The following THRB variants were observed in gnomAD, a reference collection of about 807,000 sequenced individuals.
THRB encodes nuclear receptor subfamily 1 group A member 2.
Under a neutral mutation model 47.8 loss-of-function variants are expected in THRB, and 12 were observed. The observed-to-expected ratio is 0.25, with a 90% confidence interval of 0.16 to 0.41. The LOEUF (loss-of-function observed/expected upper bound fraction) is 0.41. THRB is among the 10% of genes least tolerant of loss of function. The probability of loss-of-function intolerance (pLI) is 1.00; values close to 1 mark genes in which losing one functional copy is unlikely to be tolerated. For synonymous variants in THRB, 218 were observed against 212.2 expected (o/e 1.03, Z -0.24); for missense variants, 348 against 589.2 (o/e 0.59, Z 4.24).
At chr3:24,248,961 C>A (rs1019543057) in intron 3 of THRB, among the ~76,000 whole-genome samples, 1 of 152,192 alleles carries the variant, frequency 6.6e-6, no homozygotes, top group African/African-American at 2.4e-5. Flanking sequence ...ACAACCAATT[C>A]CCTGAACTAA....
intron 5 of THRB, among the ~76,000 whole-genome samples, chr3:24,185,165 ACT>A (rs1255939965): frequency 6.6e-6 from 1 of 152,134 alleles, no homozygotes; most frequent in Non-Finnish European, 1.5e-5. Context: ...AATCTTGAGG[ACT>A]GGTTTAATAA....
At chr3:24,341,258 G>T (rs2062632795) in intron 1 of THRB, among the ~76,000 whole-genome samples, 2 of 114,918 alleles carry the variant, frequency 1.7e-5, no homozygotes, top group South Asian at 2.9e-4. Context: ...TTGAGACAGG[G>T]TCTCACTTTG....
At chr3:24,161,458 G>T (rs2038805053) in intron 5 of THRB, among the ~76,000 whole-genome samples, 1 of 152,072 alleles carries the variant, frequency 6.6e-6, no homozygotes, top group Admixed American at 6.5e-5. Flanking sequence ...AGAGAAGATA[G>T]AGGAAGAAAG....
intron 1 of THRB, among the ~76,000 whole-genome samples, chr3:24,419,398 T>C (rs2069036505): frequency 6.6e-6 from 1 of 151,858 alleles, no homozygotes; most frequent in South Asian, 2.1e-4. Context: ...ATCCTTCCTC[T>C]TACTTAAGGA....
intron 5 of THRB, among the ~76,000 whole-genome samples, chr3:24,181,228 G>A (rs2041858087): frequency 6.6e-6 from 1 of 152,088 alleles, no homozygotes; most frequent in African/African-American, 2.4e-5. Context: ...ATTTTTCCTT[G>A]TCTTCCCCAC....
At chr3:24,368,451 G>T (rs765203153) in intron 1 of THRB, among the ~76,000 whole-genome samples, 1 of 152,036 alleles carries the variant, frequency 6.6e-6, no homozygotes, top group South Asian at 2.1e-4. Context: ...AAGACATAAG[G>T]CACTAGAAAA....
chr3:24,319,344 A>C lies in THRB; in HGVS notation c.-189+17956T>G, dbSNP rs146407823. Among the ~76,000 whole-genome samples, 42 of 152,368 alleles carry C rather than the reference A, an allele frequency of 2.8e-4. No homozygotes were observed. The East Asian group carries it at 7.3e-3, about 27-fold the overall frequency. Reference sequence around the variant, plus strand: ...TTTCTGTTACACAAGAAAATGAATAAACATACTGTGGTATATCCATGTACT... The same window carrying C: ...TTTCTGTTACACAAGAAAATGAATACACATACTGTGGTATATCCATGTACT... On this transcript the variant is annotated intron_variant, in intron 2 of 10. Coordinates refer to ENST00000646209, the MANE Select transcript of THRB (RefSeq NM_001354712.2).
At chr3:24,258,818 G>A (rs1034586785) in intron 3 of THRB, among the ~76,000 whole-genome samples, 2 of 152,166 alleles carry the variant, frequency 1.3e-5, no homozygotes, top group Non-Finnish European at 2.9e-5. Flanking sequence ...GAACTAGAAC[G>A]AGGTTACCAG....
intron 3 of THRB, among the ~76,000 whole-genome samples, chr3:24,292,082 G>A (rs530859077): frequency 2.6e-4 from 40 of 152,218 alleles, no homozygotes; most frequent in African/African-American, 9.6e-4. Context: ...GTTATATAGA[G>A]AGGTATGAAA....
chr3:24,361,949 T>A (rs935514937), intron 1 of THRB, among the ~76,000 whole-genome samples: 10 of 152,114 alleles, frequency 6.6e-5, no homozygotes, highest in African/African-American at 2.4e-4. Context: ...AAAGCAAGAA[T>A]AAAAGAGAGT....
At chr3:24,244,026 T>C (rs902523601) in intron 3 of THRB, among the ~76,000 whole-genome samples, 8 of 151,900 alleles carry the variant, frequency 5.3e-5, no homozygotes, top group African/African-American at 1.9e-4. Context: ...TTAAAAAAAA[T>C]GCACACTATA....
chr3:24,272,264 A>G lies in THRB; in HGVS notation c.-43+24962T>C, dbSNP rs568878007. On this transcript the variant is annotated intron_variant, in intron 3 of 10. Transcript: ENST00000646209. ...TCAAGGCTGAGGTGGGAGTATCACT[A>G]GAGCCCAGGAGGTTGAGGCAACAGT... Among the ~76,000 whole-genome samples, 4 of 152,086 alleles carry G rather than the reference A, an allele frequency of 2.6e-5. No homozygotes were observed. The South Asian group carries it at 8.3e-4, about 32-fold the overall frequency.
intron 1 of THRB, among the ~76,000 whole-genome samples, chr3:24,455,773 A>G (rs2073112576): frequency 2.0e-5 from 3 of 152,028 alleles, no homozygotes; most frequent in Non-Finnish European, 2.9e-5. Flanking sequence ...ATAAGACTCA[A>G]TGACATATAG....
chr3:24,201,590 C>G (rs192710142), intron 4 of THRB, among the ~76,000 whole-genome samples: 1 of 152,166 alleles, frequency 6.6e-6, no homozygotes, highest in East Asian at 1.9e-4. Flanking sequence ...ATGTGGTTAC[C>G]CAAGTGAAAT....
chr3:24,198,464 CCCTT>C (rs1395500948), intron 4 of THRB, among the ~76,000 whole-genome samples: 4 of 65,092 alleles, frequency 6.1e-5, no homozygotes, highest in African/African-American at 1.9e-4. Flanking sequence ...CCCCCCCCCC[CCCTT>C]TTTTTTTTAA....
rs115327818 is a variant in THRB at position 24,170,043 on chromosome 3, G to A, written c.284-17553C>T. 6.0e-3 allele frequency among the ~76,000 whole-genome samples: 917 copies of A among 152,030 alleles called. 11 individuals are homozygous for A. Among genetic ancestry groups the A allele is most frequent in the African/African-American group, 0.021 (850 of 41,460 alleles). On this transcript the variant is annotated intron_variant, in intron 5 of 10. Coordinates refer to ENST00000646209, the MANE Select transcript of THRB (RefSeq NM_001354712.2). ...CAACATCCATGTGGATATCTCCATC[G>A]CAGATGTCACCTCTGAAACCAGGAT...
intron 1 of THRB, among the ~76,000 whole-genome samples, chr3:24,440,791 G>C (rs141867192): frequency 6.6e-6 from 1 of 152,176 alleles, no homozygotes; most frequent in East Asian, 1.9e-4. Context: ...AATACAAATT[G>C]TACTGAGGGA....
chr3:24,254,599 C>T (rs2150400111), intron 3 of THRB, among the ~76,000 whole-genome samples: 1 of 152,260 alleles, frequency 6.6e-6, no homozygotes, highest in East Asian at 1.9e-4. Flanking sequence ...ACACAAGTCT[C>T]CCAGCCTTAC....
chr3:24,433,972 G>A (rs1202812982), intron 1 of THRB, among the ~76,000 whole-genome samples: 1 of 151,922 alleles, frequency 6.6e-6, no homozygotes, highest in Non-Finnish European at 1.5e-5. Flanking sequence ...GCTCTAAAAT[G>A]CAAAGATTAT....
Sources: gnomAD v4.1 joint callset for allele counts (sites outside exome capture counted in the v4.1 genomes callset) on GRCh38, gnomAD v4.1.1 for gene constraint, MANE v1.5 for transcripts, NCBI Gene and HGNC (gene_info 2026-07-23, HGNC 2026-07-21) for gene names.